The following AMELY variants were observed in gnomAD, a reference collection of about 807,000 sequenced individuals.
The protein encoded by AMELY is amelogenin Y-linked, also known as amelogenin, Y isoform.
A neutral mutation model predicts 4.2 loss-of-function variants in AMELY; 4 were observed. The observed-to-expected ratio is 0.96, with a 90% CI of 0.47 to 2.19. AMELY has a LOEUF of 2.19. AMELY is among the 30% of genes most tolerant of loss of function. The probability of loss-of-function intolerance (pLI) is 0.02; values close to 1 mark genes in which losing one functional copy is unlikely to be tolerated. For missense variants in AMELY, 32 were observed against 41.5 expected (o/e 0.77, Z 0.63); for synonymous variants, 11 against 14.7 (o/e 0.75, Z 0.57).
chrY:6,894,563 C>T (rs2054085214), intron 1 of AMELY, among the ~76,000 whole-genome samples: 1 of 33,447 alleles, frequency 3.0e-5, no homozygotes, highest in African/African-American at 1.2e-4. Flanking sequence ...TAGGACATCT[C>T]CTGTGCACGT....
At chrY:6,883,145 C>T (rs770966231) in intron 1 of AMELY, among the ~76,000 whole-genome samples, 1 of 33,063 alleles carries the variant, frequency 3.0e-5, no homozygotes, top group African/African-American at 1.2e-4. Flanking sequence ...CACATGCTCA[C>T]GTATGTTTAT....
At chrY:6,896,886 G>A in intron 1 of AMELY, among the ~76,000 whole-genome samples, 1 of 32,799 alleles carries the variant, frequency 3.0e-5, no homozygotes, top group Non-Finnish European at 7.4e-5. Flanking sequence ...TGTGGGGAAA[G>A]AGGTCCCAAG....
chrY:6,894,068 C>A (rs766474478), intron 1 of AMELY, among the ~76,000 whole-genome samples: 1 of 33,298 alleles, frequency 3.0e-5, no homozygotes, highest in South Asian at 6.9e-4. Flanking sequence ...GCCAATTAAG[C>A]CTTTAACTGA....
rs774289238 is a variant in AMELY at position 6,907,577 on chromosome Y, G to A, written c.-113+4096C>T. ...TATGATGTCCTGTTGTTCCAGCACC[G>A]TGAGTTAAAAAGAATGAACTGCCTT... On this transcript the variant is annotated intron_variant, in intron 1 of 6. Transcript: ENST00000651267. Among the ~76,000 whole-genome samples the A allele has an allele frequency of 2.4e-4, 7 of 29,354 alleles. No individual in the cohort carries two copies. In the East Asian group the frequency reaches 4.3e-3, roughly 18 times the overall value. The allele number at this position is 29,354 out of a possible 37,273, so 78.8% of individuals were successfully genotyped here. A position where few individuals can be genotyped will look rare whatever the true frequency, so the allele number is the denominator to read the frequency against.
chrY:6,893,019 G>A, intron 1 of AMELY, among the ~76,000 whole-genome samples: 2 of 33,549 alleles, frequency 6.0e-5, no homozygotes, highest in Non-Finnish European at 7.4e-5. Context: ...GGAAGGCACC[G>A]CCTATCTTGC....
At chrY:6,909,013 TCAC>T (rs2011673582) in intron 1 of AMELY, among the ~76,000 whole-genome samples, 1 of 33,494 alleles carries the variant, frequency 3.0e-5, no homozygotes, top group Non-Finnish European at 7.3e-5. Context: ...AGGATTTCCA[TCAC>T]TTTCTCCTAC....
chrY:6,870,960 C>G, intron 3 of AMELY, among the ~76,000 whole-genome samples: 1 of 32,972 alleles, frequency 3.0e-5, no homozygotes, highest in East Asian at 8.0e-4. Flanking sequence ...TTAGGACTGG[C>G]TATATTATAT....
chrY:6,910,521 T>C, intron 1 of AMELY, among the ~76,000 whole-genome samples: 1 of 32,458 alleles, frequency 3.1e-5, no homozygotes, highest in African/African-American at 1.2e-4. Flanking sequence ...CTCAGCTGGC[T>C]GTTGGGGAGG....
Position 6,865,966 on chromosome Y carries a change from A to T in AMELY, c.*107T>A. ...CTACTATTGGTACATTTTTAGTTACAGAATTTGCTAAGTTAAGTGATTGTA... is the reference window on the plus strand; with the variant it reads ...CTACTATTGGTACATTTTTAGTTACTGAATTTGCTAAGTTAAGTGATTGTA... On this transcript the variant is annotated 3_prime_UTR_variant, in exon 7 of 7. Transcript: ENST00000651267. The T allele has an allele frequency of 4.4e-5, 5 of 114,622 alleles. No homozygotes were observed. In the African/African-American group the frequency reaches 4.7e-4, roughly 11 times the overall value. 28.6% of individuals were successfully genotyped at this position (114,622 alleles called of 400,897 possible). A position where few individuals can be genotyped will look rare whatever the true frequency, so the allele number is the denominator to read the frequency against.
intron 1 of AMELY, chrY:6,901,115 T>C (rs2054089261): frequency 3.0e-5 from 1 of 33,118 alleles, no homozygotes; most frequent in Non-Finnish European, 7.5e-5. Flanking sequence ...AGTGCTGGGA[T>C]TACAGGCGTG....
intron 1 of AMELY, among the ~76,000 whole-genome samples, chrY:6,886,422 G>C (rs559872650): frequency 3.0e-4 from 10 of 33,856 alleles, no homozygotes; most frequent in African/African-American, 6.9e-4. Flanking sequence ...TCTGAAATCT[G>C]AACACTTTGA....
chrY:6,890,846 T>C, intron 1 of AMELY, among the ~76,000 whole-genome samples: 1 of 33,681 alleles, frequency 3.0e-5, no homozygotes, highest in Non-Finnish European at 7.3e-5. Flanking sequence ...CATCAGCCAA[T>C]AGGCTGGAAG....
intron 1 of AMELY, among the ~76,000 whole-genome samples, chrY:6,908,535 T>C (rs2011671041): frequency 3.3e-5 from 1 of 30,254 alleles, no homozygotes; most frequent in Non-Finnish European, 7.8e-5. Flanking sequence ...GTTTTTCCCC[T>C]GCCTCCAATT....
At chrY:6,875,790 A>G (rs2054071498) in intron 1 of AMELY, among the ~76,000 whole-genome samples, 1 of 32,753 alleles carries the variant, frequency 3.1e-5, no homozygotes, top group East Asian at 7.9e-4. Flanking sequence ...AGTATAATAC[A>G]TATTCTCCTT....
At chrY:6,878,849 G>A in intron 1 of AMELY, among the ~76,000 whole-genome samples, 1 of 33,162 alleles carries the variant, frequency 3.0e-5, no homozygotes, top group Admixed American at 2.8e-4. Flanking sequence ...TGTATCGCTG[G>A]TAGAAATGTA....
At chrY:6,905,475 TTTC>T (rs2011660020) in intron 1 of AMELY, among the ~76,000 whole-genome samples, 78 of 31,933 alleles carry the variant, frequency 2.4e-3, no homozygotes, top group Non-Finnish European at 3.8e-3. Flanking sequence ...TCTTTCTTTC[TTTC>T]TTTCTTTCTC....
At chrY:6,866,539 A>G in intron 6 of AMELY, among the ~76,000 whole-genome samples, 1 of 32,494 alleles carries the variant, frequency 3.1e-5, no homozygotes, top group South Asian at 7.0e-4. Flanking sequence ...TAATAAGGAG[A>G]TAAATAAATG....
At chrY:6,907,140 G>C in intron 1 of AMELY, among the ~76,000 whole-genome samples, 1 of 32,922 alleles carries the variant, frequency 3.0e-5, no homozygotes, top group South Asian at 6.9e-4. Context: ...GAGGTGGGCG[G>C]ATCAGTTAGG....
intron 3 of AMELY, 90 bp downstream of exon 3, chrY:6,872,465 T>C: frequency 3.3e-6 from 1 of 304,118 alleles, no homozygotes; most frequent in Non-Finnish European, 4.9e-6. Flanking sequence ...TCAAACTGTT[T>C]TAAACCTTAA....
Sources: allele counts gnomAD v4.1 joint callset (sites outside exome capture counted in the v4.1 genomes callset), GRCh38; gene constraint gnomAD v4.1.1; transcripts MANE v1.5; gene names NCBI Gene and HGNC (gene_info 2026-07-23, HGNC 2026-07-21).